The following ATP11A variants were observed in gnomAD, a reference collection of about 807,000 sequenced individuals.
ATP11A encodes the protein ATPase phospholipid transporting 11A, also known as phospholipid-transporting ATPase IH.
Under a neutral mutation model 154.4 loss-of-function variants are expected in ATP11A, and 81 were observed. The observed-to-expected ratio is 0.52, with a 90% CI of 0.44 to 0.63. The LOEUF is 0.63. Ranked by LOEUF, ATP11A falls within the 30% of genes least tolerant of loss-of-function variation. The pLI is 0.00. For missense variants in ATP11A, 1,316 were observed against 1,474.3 expected (o/e 0.89, Z 1.76); for synonymous variants, 623 against 585.9 (o/e 1.06, Z -0.91).
At chr13:112,725,805 T>C (rs1889792222) in intron 1 of ATP11A, among the ~76,000 whole-genome samples, 1 of 152,184 alleles carries the variant, frequency 6.6e-6, no homozygotes, top group Non-Finnish European at 1.5e-5. Context: ...TACAGGAAGC[T>C]GAGGTTTGGA....
chr13:112,690,864 C>G lies in ATP11A; in HGVS notation c.39+409C>G, dbSNP rs548846420. On this transcript the variant is annotated intron_variant, in intron 1 of 29. Coordinates refer to ENST00000375645, the MANE Select transcript of ATP11A (RefSeq NM_015205.3). This position sits in a 1 kb window ranked among gnomAD's most constrained non-coding sequence, Gnocchi z 5.6. ...GGGGAGGAACCTTCAGATGCGGCTT[C>G]CGCGCAGCCGTGTCTGTAAGATTAA... Among the ~76,000 whole-genome samples, 978 of 152,330 alleles carry G rather than the reference C, an allele frequency of 6.4e-3. 7 individuals are homozygous for G. The highest frequency in any genetic ancestry group is 0.023 in the African/African-American group (944 of 41,586).
At chr13:112,750,546 T>G (rs593889) in intron 1 of ATP11A, among the ~76,000 whole-genome samples, 20 of 74,466 alleles carry the variant, frequency 2.7e-4, no homozygotes, top group Non-Finnish European at 3.5e-4. Flanking sequence ...AGGATGCGGG[T>G]TTGAATCCCC....
At chr13:112,789,675 CG>C (rs2077782638) in intron 2 of ATP11A, among the ~76,000 whole-genome samples, 2 of 150,498 alleles carry the variant, frequency 1.3e-5, no homozygotes, top group African/African-American at 2.5e-5. Context: ...TAATTCACAC[CG>C]GGTATTCTGA....
At chr13:112,763,191 T>C (rs1395755704) in intron 1 of ATP11A, among the ~76,000 whole-genome samples, 1 of 152,166 alleles carries the variant, frequency 6.6e-6, no homozygotes, top group Non-Finnish European at 1.5e-5. Flanking sequence ...AGCTATTACG[T>C]TGTAAACCGA....
intron 16 of ATP11A, among the ~76,000 whole-genome samples, chr13:112,839,128 G>T (rs569163109): frequency 1.3e-5 from 2 of 152,170 alleles, no homozygotes; most frequent in African/African-American, 4.8e-5. Flanking sequence ...GAAGGACTTC[G>T]GAAGTCACAG....
rs1033894378 is a variant in ATP11A at position 112,696,623 on chromosome 13, G to A, written c.39+6168G>A. ...TGGCTTCCAGCTACCGTTTTTCTTA[G>A]GTTACCCCGCGTAGCTGGCCCGTCC... On this transcript the variant is annotated intron_variant, in intron 1 of 29. Transcript: ENST00000375645. This position sits in a 1 kb window ranked among gnomAD's most constrained non-coding sequence, Gnocchi z 6.2. Among the ~76,000 whole-genome samples, 3 of 152,116 alleles carry A rather than the reference G, an allele frequency of 2.0e-5. No individual in the cohort carries two copies. In the South Asian group the frequency reaches 6.2e-4, roughly 32 times the overall value.
intron 1 of ATP11A, among the ~76,000 whole-genome samples, chr13:112,771,059 A>G (rs2077214114): frequency 6.6e-6 from 1 of 152,070 alleles, no homozygotes; most frequent in African/African-American, 2.4e-5. Flanking sequence ...GAAATGTGAA[A>G]CTTCCATTAG....
At chr13:112,794,761 G>A (rs1196207713) in intron 2 of ATP11A, among the ~76,000 whole-genome samples, 5 of 152,212 alleles carry the variant, frequency 3.3e-5, no homozygotes, top group South Asian at 2.1e-4. Context: ...CTAGCTACTC[G>A]GGAGGTTGAG....
intron 8 of ATP11A, among the ~76,000 whole-genome samples, chr13:112,822,102 A>C (rs970624766): frequency 6.6e-6 from 1 of 152,230 alleles, no homozygotes; most frequent in Non-Finnish European, 1.5e-5. Flanking sequence ...TTAATTTTCC[A>C]TGATAGAAGG....
In ATP11A at chr13:112,865,174, C is replaced by T. The variant is rs140525645; in HGVS notation, c.2991+2599C>T. 1.3e-4 allele frequency among the ~76,000 whole-genome samples: 10 copies of T among 78,532 alleles called. 1 individual carries two copies. The highest frequency in any genetic ancestry group is 2.6e-4 in the Non-Finnish European group (10 of 38,306). The allele number at this position is 78,532 out of a possible 152,430, so 51.5% of individuals were successfully genotyped here. On this transcript the variant is annotated intron_variant, in intron 25 of 29. Coordinates refer to ENST00000375645, the MANE Select transcript of ATP11A (RefSeq NM_015205.3). ...AGTGCAGGCCCGCGCAGCTTCCCAGCGGGGTCCATCACCACCTGCGCAGTA... is the reference window on the plus strand; with the variant it reads ...AGTGCAGGCCCGCGCAGCTTCCCAGTGGGGTCCATCACCACCTGCGCAGTA...
chr13:112,816,032 G>A (rs2078636779), intron 5 of ATP11A, 51 bp from the exon 6 acceptor site: 1 of 1,610,624 alleles, frequency 6.2e-7, no homozygotes, highest in Non-Finnish European at 8.5e-7. Flanking sequence ...GGACGGGCAA[G>A]CTTTCACGGA....
At chr13:112,794,207 A>G (rs2077936878) in intron 2 of ATP11A, among the ~76,000 whole-genome samples, 1 of 152,196 alleles carries the variant, frequency 6.6e-6, no homozygotes, top group Non-Finnish European at 1.5e-5. Context: ...GAGGACGTCT[A>G]CTGATTGTAT....
chr13:112,871,820 C>A lies in ATP11A; in HGVS notation c.3057+20C>A. 1.7e-5 allele frequency: 28 copies of A among 1,610,436 alleles called. No homozygotes were observed. Among genetic ancestry groups the A allele is most frequent in the Non-Finnish European group, 2.4e-5 (28 of 1,176,602 alleles). On this transcript the variant is annotated intron_variant, in intron 26 of 29. Coordinates refer to ENST00000375645, the MANE Select transcript of ATP11A (RefSeq NM_015205.3). ...CTAAAGGTAAGTGGTCTCGCGCTCA[C>A]GTTCCTCCCCCAGCCACAGTGAACC...
At chr13:112,806,357 C>A in intron 4 of ATP11A, 64 bp downstream of exon 4, 1 of 1,297,720 alleles carries the variant, frequency 7.7e-7, no homozygotes, top group South Asian at 1.2e-5. Flanking sequence ...GCCTTTCATT[C>A]AAAGCGAGGT....
chr13:112,821,394 G>A, intron 8 of ATP11A, among the ~76,000 whole-genome samples: 1 of 152,046 alleles, frequency 6.6e-6, no homozygotes, highest in East Asian at 1.9e-4. Flanking sequence ...GCTCACTGCA[G>A]CCTCCACCTC....
intron 7 of ATP11A, 60 bp downstream of exon 7, chr13:112,819,467 C>G (rs2078737041): frequency 7.0e-7 from 1 of 1,437,904 alleles, no homozygotes. Context: ...ATTGCTCTTG[C>G]TTTTTCACCC....
At chr13:112,876,706 G>A (rs960397740) in intron 28 of ATP11A, among the ~76,000 whole-genome samples, 4 of 152,258 alleles carry the variant, frequency 2.6e-5, no homozygotes, top group Admixed American at 6.5e-5. Flanking sequence ...ATGGGGAAAT[G>A]AGGGGTGGGG....
At chr13:112,714,529 G>GCCGCCA (rs1405688659) in intron 1 of ATP11A, among the ~76,000 whole-genome samples, 1 of 152,196 alleles carries the variant, frequency 6.6e-6, no homozygotes, top group African/African-American at 2.4e-5. Flanking sequence ...AGGAGAGGTG[G>GCCGCCA]CGTCTCCACT....
chr13:112,805,542 G>A (rs1341154589), intron 3 of ATP11A, among the ~76,000 whole-genome samples: 1 of 152,024 alleles, frequency 6.6e-6, no homozygotes, highest in Non-Finnish European at 1.5e-5. Context: ...TGGGTGTGGT[G>A]GTGCACACCT....
Sources: gnomAD v4.1 joint callset for allele counts (sites outside exome capture counted in the v4.1 genomes callset) on GRCh38, gnomAD v4.1.1 for gene constraint, Gnocchi (gnomAD v3.1) non-coding constraint, MANE v1.5 for transcripts, NCBI Gene and HGNC (gene_info 2026-07-23, HGNC 2026-07-21) for gene names.